Variants in BCAS3 observed in about 807,000 individuals in gnomAD.
BCAS3 encodes BCAS4/BCAS3 fusion.
Under a neutral mutation model 116.1 loss-of-function variants are expected in BCAS3, and 53 were observed. That is an observed-to-expected ratio of 0.46 (90% CI 0.37 to 0.57). The LOEUF is 0.57. BCAS3 is among the 20% of genes least tolerant of loss of function. BCAS3 has a pLI of 0.00. For missense variants in BCAS3, 917 were observed against 1,165.4 expected, an observed-to-expected ratio of 0.79 and a Z score of 3.10; for synonymous variants, 391 against 408.2, an observed-to-expected ratio of 0.96 and a Z score of 0.51.
intron 14 of BCAS3, among the ~76,000 whole-genome samples, chr17:60,989,495 A>G (rs1236391437): frequency 1.4e-5 from 2 of 142,722 alleles, no homozygotes; most frequent in East Asian, 2.1e-4. Flanking sequence ...TTTTTTTTTT[A>G]ACATAACTGC....
intron 22 of BCAS3, among the ~76,000 whole-genome samples, chr17:61,252,392 C>G (rs2048436367): frequency 6.6e-6 from 1 of 152,160 alleles, no homozygotes; most frequent in Non-Finnish European, 1.5e-5. Context: ...GTTCAGCCCC[C>G]CCAGTTCCAG....
chr17:61,035,095 G>A (rs1307351364), intron 17 of BCAS3, among the ~76,000 whole-genome samples: 2 of 152,060 alleles, frequency 1.3e-5, no homozygotes, highest in African/African-American at 2.4e-5. Context: ...TTACAAGCTA[G>A]TTTCACCCCT....
chr17:60,716,453 G>T (rs899974447), intron 5 of BCAS3, among the ~76,000 whole-genome samples: 2 of 152,122 alleles, frequency 1.3e-5, no homozygotes, highest in African/African-American at 4.8e-5. Context: ...AATTGATTTA[G>T]ATTTCTTAAA....
chr17:61,146,298 TG>T (rs2077207328), intron 22 of BCAS3, among the ~76,000 whole-genome samples: 1 of 151,402 alleles, frequency 6.6e-6, no homozygotes, highest in Admixed American at 6.6e-5. Flanking sequence ...TGGTGTTTTT[TG>T]TAGAGACAGG....
At chr17:60,986,079 A>C (rs934168772) in intron 14 of BCAS3, among the ~76,000 whole-genome samples, 19 of 152,334 alleles carry the variant, frequency 1.2e-4, no homozygotes, top group African/African-American at 4.1e-4. Flanking sequence ...ATAAGTGAGA[A>C]CATGCAAAGT....
At chr17:60,875,905 T>C (rs1008037905) in intron 9 of BCAS3, among the ~76,000 whole-genome samples, 3 of 152,068 alleles carry the variant, frequency 2.0e-5, no homozygotes, top group Admixed American at 6.5e-5. Flanking sequence ...TTTCAACAAC[T>C]ATCAAATAAT....
chr17:61,105,703 A>G lies in BCAS3; in HGVS notation c.2425+21139A>G, dbSNP rs1197625547. ...CGGCCTCCCAAAGTGCTGGGATTACAGGTGTGAGCCACTGTGCCCGGCCTA... is the reference window on the plus strand; with the variant it reads ...CGGCCTCCCAAAGTGCTGGGATTACGGGTGTGAGCCACTGTGCCCGGCCTA... On this transcript the variant is annotated intron_variant, in intron 22 of 23. Coordinates refer to ENST00000407086, the MANE Select transcript of BCAS3 (RefSeq NM_017679.5). This position sits in a 1 kb window ranked among gnomAD's most constrained non-coding sequence, Gnocchi z 4.3. 2.0e-5 allele frequency among the ~76,000 whole-genome samples: 3 copies of G among 152,058 alleles called. No individual in the cohort carries two copies. Among genetic ancestry groups the G allele is most frequent in the Non-Finnish European group, 2.9e-5 (2 of 68,016 alleles).
intron 5 of BCAS3, among the ~76,000 whole-genome samples, chr17:60,728,163 A>G (rs1415793199): frequency 6.6e-6 from 1 of 152,132 alleles, no homozygotes; most frequent in African/African-American, 2.4e-5. Context: ...AATGACAGGT[A>G]TCCACCATTG....
At chr17:61,246,314 C>T (rs34337261) in intron 22 of BCAS3, among the ~76,000 whole-genome samples, 1 of 151,554 alleles carries the variant, frequency 6.6e-6, no homozygotes, top group African/African-American at 2.4e-5. Flanking sequence ...AACCCCATCT[C>T]TACAAAAAAT....
rs763678736 is a variant in BCAS3, at chr17:61,122,203, G to T, written c.2425+37639G>T. ...TCATACACATGCATCTTCCAGTGAC[G>T]CATTTGAAATGGTGAAATCTGATTG... On this transcript the variant is annotated intron_variant, in intron 22 of 23. Coordinates refer to ENST00000407086, the MANE Select transcript of BCAS3 (RefSeq NM_017679.5). The surrounding 1 kb of genome is among the most constrained non-coding windows in gnomAD (Gnocchi z 4.6). Among the ~76,000 whole-genome samples the T allele has an allele frequency of 6.6e-6, 1 of 152,094 alleles. No homozygotes were observed. The highest frequency in any genetic ancestry group is 1.5e-5 in the Non-Finnish European group (1 of 68,018).
At chr17:60,681,948 T>TA (rs2033212252) in intron 2 of BCAS3, among the ~76,000 whole-genome samples, 1 of 152,140 alleles carries the variant, frequency 6.6e-6, no homozygotes, top group African/African-American at 2.4e-5. Flanking sequence ...CAGGTTGGTC[T>TA]CAAACTCCCA....
At chr17:60,911,720 C>A (rs2058525961) in intron 12 of BCAS3, among the ~76,000 whole-genome samples, 1 of 152,204 alleles carries the variant, frequency 6.6e-6, no homozygotes, top group South Asian at 2.1e-4. Flanking sequence ...CAGGCATGAG[C>A]CACTGCGCCC....
intron 5 of BCAS3, among the ~76,000 whole-genome samples, chr17:60,734,931 C>T (rs1244051982): frequency 6.6e-6 from 1 of 152,176 alleles, no homozygotes; most frequent in Non-Finnish European, 1.5e-5. Flanking sequence ...GACATCTTGA[C>T]AATATTGAGT....
intron 19 of BCAS3, among the ~76,000 whole-genome samples, chr17:61,061,146 T>C (rs2069984050): frequency 6.6e-6 from 1 of 152,206 alleles, no homozygotes; most frequent in African/African-American, 2.4e-5. Context: ...TTTTCCTAAC[T>C]ATAGGGTGAA....
At chr17:61,250,895 A>G (rs2048320389) in intron 22 of BCAS3, among the ~76,000 whole-genome samples, 1 of 152,204 alleles carries the variant, frequency 6.6e-6, no homozygotes, top group African/African-American at 2.4e-5. Flanking sequence ...ATCCTACATT[A>G]GACAATCTCA....
intron 22 of BCAS3, among the ~76,000 whole-genome samples, chr17:61,270,544 G>T (rs1294114062): frequency 6.6e-6 from 1 of 152,012 alleles, no homozygotes; most frequent in Admixed American, 6.6e-5. Context: ...CACTTTATAG[G>T]CTGCCTTTTC....
Position 61,077,137 on chromosome 17 carries a change from TAA to T in BCAS3, c.2131-1182_2131-1181del, listed in dbSNP as rs34966522. The stretch of plus-strand genomic sequence containing the variant: ...GTCTCTCATTCGAGTTGATTATTTG[TAA>T]AAAAAAAAAAAAATCATGTAATATA... On this transcript the variant is annotated intron_variant, in intron 20 of 23. Transcript: ENST00000407086. The surrounding 1 kb of genome is among the most constrained non-coding windows in gnomAD (Gnocchi z 4.3). Among the ~76,000 whole-genome samples the T allele has an allele frequency of 2.1e-4, 31 of 144,544 alleles. No individual in the cohort carries two copies. The highest frequency in any genetic ancestry group is 7.0e-4 in the African/African-American group (28 of 40,046). 94.8% of individuals were successfully genotyped at this position (144,544 alleles called of 152,430 possible). A position where few individuals can be genotyped will look rare whatever the true frequency, so the allele number is the denominator to read the frequency against.
intron 13 of BCAS3, among the ~76,000 whole-genome samples, chr17:60,941,668 G>C (rs1445852194): frequency 1.3e-5 from 2 of 152,098 alleles, no homozygotes; most frequent in Non-Finnish European, 2.9e-5. Flanking sequence ...GAAGATAATA[G>C]GCATAATTTT....
intron 22 of BCAS3, among the ~76,000 whole-genome samples, chr17:61,178,394 T>C (rs1249395182): frequency 6.6e-6 from 1 of 152,110 alleles, no homozygotes; most frequent in Non-Finnish European, 1.5e-5. Flanking sequence ...ACCCATCCAA[T>C]CACTTTTCAC....
Sources: allele counts gnomAD v4.1 joint callset (sites outside exome capture counted in the v4.1 genomes callset), GRCh38; gene constraint gnomAD v4.1.1; non-coding constraint Gnocchi (gnomAD v3.1); transcripts MANE v1.5; gene names NCBI Gene and HGNC (gene_info 2026-07-23, HGNC 2026-07-21).